The following EYA4 variants were observed in gnomAD, a reference collection of about 807,000 sequenced individuals.
EYA4 encodes EYA transcriptional coactivator and phosphatase 4, also known as protein phosphatase EYA4.
EYA4 carries 31 observed loss-of-function variants against 87.9 expected under a neutral mutation model. The observed-to-expected ratio is 0.35, with a 90% confidence interval of 0.27 to 0.48. The LOEUF (loss-of-function observed/expected upper bound fraction) is 0.48, where lower values mean the gene tolerates loss of function less well. EYA4 is among the 20% of genes least tolerant of loss of function. The probability of loss-of-function intolerance (pLI) is 0.99; values close to 1 mark genes in which losing one functional copy is unlikely to be tolerated. For missense variants in EYA4, 678 were observed against 761.4 expected, an observed-to-expected ratio of 0.89 and a Z score of 1.29; for synonymous variants, 263 against 270.6, an observed-to-expected ratio of 0.97 and a Z score of 0.28.
chr6:133,330,403 T>C (rs1257128721), intron 2 of EYA4, among the ~76,000 whole-genome samples: 1 of 152,060 alleles, frequency 6.6e-6, no homozygotes, highest in Non-Finnish European at 1.5e-5. Context: ...ACAATGAAGT[T>C]TTTTGAAGAT....
In EYA4 at chr6:133,486,529, C is replaced by T. The variant is rs374419540; in HGVS notation, c.1191+3414C>T. Among the ~76,000 whole-genome samples, 12 of 151,580 alleles carry T rather than the reference C, an allele frequency of 7.9e-5. No individual in the cohort carries two copies. In the East Asian group the frequency reaches 2.3e-3, roughly 30 times the overall value. ...AGACATGCTTCTTGCTCTCATGGAG[C>T]TTACAAACCAAACAAAAAACAAAAC... On this transcript the variant is annotated intron_variant, in intron 13 of 19. Transcript: ENST00000355286.
intron 3 of EYA4, among the ~76,000 whole-genome samples, chr6:133,394,291 T>TTTG (rs1562369206): frequency 3.1e-4 from 9 of 28,660 alleles, no homozygotes; most frequent in African/African-American, 4.7e-4. Flanking sequence ...TGTGTTTTTT[T>TTTG]TTTTTTTTTT....
At chr6:133,349,317 GT>G (rs1490341052) in intron 2 of EYA4, among the ~76,000 whole-genome samples, 3 of 152,126 alleles carry the variant, frequency 2.0e-5, no homozygotes, top group Admixed American at 6.5e-5. Flanking sequence ...ATAAATTTTA[GT>G]TTTTTTGTTT....
At chr6:133,370,155 C>T (rs942044288) in intron 2 of EYA4, among the ~76,000 whole-genome samples, 4 of 152,240 alleles carry the variant, frequency 2.6e-5, no homozygotes, top group Non-Finnish European at 4.4e-5. Flanking sequence ...CTGTAAACCT[C>T]GACACAGTTT....
intron 18 of EYA4, among the ~76,000 whole-genome samples, chr6:133,523,889 G>A (rs893200041): frequency 2.0e-5 from 3 of 152,178 alleles, no homozygotes; most frequent in Non-Finnish European, 4.4e-5. Context: ...AATGGGTTGT[G>A]TAATATGCCT....
At chr6:133,525,359 A>G in intron 19 of EYA4, 105 bp downstream of exon 19, 1 of 893,656 alleles carries the variant, frequency 1.1e-6, no homozygotes. Flanking sequence ...ATTTAAATTT[A>G]TAGATGCAAA....
At chr6:133,421,870 T>C (rs904193030) in intron 3 of EYA4, among the ~76,000 whole-genome samples, 5 of 152,234 alleles carry the variant, frequency 3.3e-5, no homozygotes, top group Non-Finnish European at 5.9e-5. Flanking sequence ...CCAGTCAGCC[T>C]AAATTACTTG....
intron 2 of EYA4, among the ~76,000 whole-genome samples, chr6:133,355,842 T>A (rs73559632): frequency 0.021 from 3,200 of 152,322 alleles, 114 homozygotes; most frequent in African/African-American, 0.073. Context: ...TCAAAATTGT[T>A]GTATTACATA....
At chr6:133,384,111 A>G (rs1044989452) in intron 3 of EYA4, among the ~76,000 whole-genome samples, 1 of 152,198 alleles carries the variant, frequency 6.6e-6, no homozygotes, top group African/African-American at 2.4e-5. Flanking sequence ...TTTTGGGCAG[A>G]TAATACTATG....
At chr6:133,404,121 A>G (rs1317807659) in intron 3 of EYA4, among the ~76,000 whole-genome samples, 1 of 152,160 alleles carries the variant, frequency 6.6e-6, no homozygotes, top group East Asian at 1.9e-4. Context: ...GCCTCCTGTC[A>G]TGTATTTTTA....
intron 3 of EYA4, among the ~76,000 whole-genome samples, chr6:133,400,508 GAA>G (rs369730015): frequency 7.4e-6 from 1 of 135,222 alleles, no homozygotes. Context: ...ACTCTGTCTT[GAA>G]AAAAAAAAAG....
At chr6:133,271,521 G>T (rs146839890) in intron 1 of EYA4, among the ~76,000 whole-genome samples, 3,834 of 152,282 alleles carry the variant, frequency 0.025, 127 homozygotes, top group African/African-American at 0.081. Flanking sequence ...GTCTATTCCA[G>T]TGAGGACAAA....
intron 2 of EYA4, among the ~76,000 whole-genome samples, chr6:133,335,624 C>G (rs553925459): frequency 6.6e-6 from 1 of 152,166 alleles, no homozygotes; most frequent in African/African-American, 2.4e-5. Flanking sequence ...TGATTGAAGA[C>G]TAAAACTAAT....
chr6:133,259,588 T>C (rs1165837403), intron 1 of EYA4, among the ~76,000 whole-genome samples: 1 of 152,218 alleles, frequency 6.6e-6, no homozygotes, highest in Non-Finnish European at 1.5e-5. Context: ...CAATTAAAAA[T>C]CTGGATCAAT....
At position 133,368,062 on chromosome 6, in the gene EYA4, A is replaced by G. The variant is rs548424374; in HGVS notation, c.34-14330A>G. 4.6e-5 allele frequency among the ~76,000 whole-genome samples: 7 copies of G among 152,276 alleles called. No individual in the cohort carries two copies. The East Asian group carries it at 5.8e-4, about 13-fold the overall frequency. On this transcript the variant is annotated intron_variant, in intron 2 of 19. Coordinates refer to ENST00000355286, the MANE Select transcript of EYA4 (RefSeq NM_004100.5). The stretch of plus-strand genomic sequence containing the variant: ...TATAAAATGTTATTAAAAATCATCT[A>G]TGCAATTTTCCCACTTGGTTATAAT...
At chr6:133,348,117 T>A (rs1181006574) in intron 2 of EYA4, among the ~76,000 whole-genome samples, 2 of 152,156 alleles carry the variant, frequency 1.3e-5, no homozygotes, top group African/African-American at 4.8e-5. Flanking sequence ...GTTTGGGTGA[T>A]GATTAAGTAT....
chr6:133,271,374 A>G (rs1308934375), intron 1 of EYA4, among the ~76,000 whole-genome samples: 2 of 152,180 alleles, frequency 1.3e-5, no homozygotes, highest in African/African-American at 4.8e-5. Flanking sequence ...TTCTTTATCC[A>G]TAAAGTGAGT....
intron 13 of EYA4, among the ~76,000 whole-genome samples, chr6:133,498,184 T>A (rs544169769): frequency 6.6e-6 from 1 of 152,172 alleles, no homozygotes; most frequent in Non-Finnish European, 1.5e-5. Flanking sequence ...TAATCAAGTG[T>A]TAGAACCATG....
At chr6:133,462,949 G>T (rs892610694) in intron 9 of EYA4, among the ~76,000 whole-genome samples, 185 bp downstream of exon 9, 3 of 152,078 alleles carry the variant, frequency 2.0e-5, no homozygotes, top group Admixed American at 1.3e-4. Context: ...CAGGAAACAT[G>T]ACCTATACCA....
Sources: gnomAD v4.1 joint callset for allele counts (sites outside exome capture counted in the v4.1 genomes callset) on GRCh38, gnomAD v4.1.1 for gene constraint, MANE v1.5 for transcripts, NCBI Gene and HGNC (gene_info 2026-07-23, HGNC 2026-07-21) for gene names.